Variants in PEAK1 observed in about 807,000 individuals in gnomAD.
PEAK1 encodes pseudopodium enriched atypical kinase 1.
PEAK1 carries 54 observed loss-of-function variants against 124.7 expected under a neutral mutation model. The observed-to-expected ratio is 0.43, with a 90% CI of 0.35 to 0.54. The LOEUF (loss-of-function observed/expected upper bound fraction) is 0.54, where lower values mean the gene tolerates loss of function less well. Among genes scored for constraint, PEAK1 ranks in the 20% least tolerant of loss-of-function variants. PEAK1 has a pLI of 0.01. For missense variants in PEAK1, 2,046 were observed against 2,134.5 expected (o/e 0.96, Z 0.82); for synonymous variants, 719 against 760.0 (o/e 0.95, Z 0.89).
At position 77,114,351 on chromosome 15, in the gene PEAK1, A is replaced by C; in HGVS notation, c.5046T>G (p.Pro1682=). ...EDLFQTFTAC[P]SLVQRNTLLQ... is the part of the protein sequence containing the mutation. The stretch of plus-strand genomic sequence containing the variant: ...GCAGGGTGTTCCTCTGTACTAGGCT[A>C]GGGCAGGCGGTGAAAGTCTGGAAGA... The change falls in exon 10 of 10, where the codon CCT becomes CCG. Residue 1682 remains proline, a synonymous_variant. Transcript: ENST00000682557. 1 of 1,614,212 alleles carries C rather than the reference A, an allele frequency of 6.2e-7. No homozygotes were observed. The highest frequency in any genetic ancestry group is 1.1e-5 in the South Asian group (1 of 91,082).
rs539223254 is a variant in PEAK1 at position 77,296,336 on chromosome 15, G to A, written c.-602-9832C>T. On this transcript the variant is annotated intron_variant, in intron 2 of 9. Transcript: ENST00000682557. ...AATAAAAATAAATAAATGGGACCAG[G>A]CGAGGTGGCTCACGCCGGTAATCCC... Among the ~76,000 whole-genome samples, 125 of 150,400 alleles carry A rather than the reference G, an allele frequency of 8.3e-4. 1 individual carries two copies. Among genetic ancestry groups the A allele is most frequent in the African/African-American group, 3.0e-3 (118 of 39,774 alleles).
intron 2 of PEAK1, among the ~76,000 whole-genome samples, chr15:77,296,349 C>T (rs1013786701): frequency 5.3e-5 from 8 of 150,488 alleles, no homozygotes; most frequent in East Asian, 1.9e-4. Flanking sequence ...AGGTGGCTCA[C>T]GCCGGTAATC....
chr15:77,248,584 C>T (rs1018785833), intron 6 of PEAK1, among the ~76,000 whole-genome samples: 5 of 152,134 alleles, frequency 3.3e-5, no homozygotes, highest in African/African-American at 9.7e-5. Flanking sequence ...CATGTGAGGA[C>T]ACAGTGAAAA....
At chr15:77,360,394 C>T (rs1338996213) in intron 2 of PEAK1, among the ~76,000 whole-genome samples, 1 of 152,096 alleles carries the variant, frequency 6.6e-6, no homozygotes, top group Non-Finnish European at 1.5e-5. Context: ...TACTTTTGTG[C>T]TTCAAAGGAC....
chr15:77,292,797 G>A lies in PEAK1; in HGVS notation c.-602-6293C>T, dbSNP rs550917646. ...GATTAACTTATGTATGTATATGAAC[G>A]TATATGAATACTTACATATATATAG... On this transcript the variant is annotated intron_variant, in intron 2 of 9. Transcript: ENST00000682557. Among the ~76,000 whole-genome samples the A allele has an allele frequency of 2.4e-3, 362 of 152,230 alleles. 4 individuals are homozygous for A. The highest frequency in any genetic ancestry group is 7.9e-3 in the African/African-American group (327 of 41,554).
intron 6 of PEAK1, among the ~76,000 whole-genome samples, chr15:77,222,505 A>G (rs2059434538): frequency 6.6e-6 from 1 of 152,080 alleles, no homozygotes; most frequent in Non-Finnish European, 1.5e-5. Context: ...TTGATTTTAT[A>G]GACTAAGGAA....
rs921308460 is a variant in PEAK1 at position 77,333,441 on chromosome 15, T to G, written c.-603+31722A>C. ...TTTTTTCTTCTTTTTGCTTGTATAT[T>G]TCTTTTCTCTAACAACTATATAAGC... On this transcript the variant is annotated intron_variant, in intron 2 of 9. Coordinates refer to ENST00000682557, the MANE Select transcript of PEAK1 (RefSeq NM_001385026.1). 4.6e-5 allele frequency: 44 copies of G among 955,998 alleles called. 1 individual carries two copies. Among genetic ancestry groups the G allele is most frequent in the Non-Finnish European group, 3.7e-6 (3 of 803,188 alleles). The allele number at this position is 955,998 out of a possible 1,614,324, so 59.2% of individuals were successfully genotyped here. A position where few individuals can be genotyped will look rare whatever the true frequency, so the allele number is the denominator to read the frequency against.
In PEAK1 at chr15:77,179,492, C is replaced by T. The variant is rs1285075692; in HGVS notation, c.2435G>A (p.Ser812Asn). 3.7e-6 allele frequency: 6 copies of T among 1,614,016 alleles called. No individual in the cohort carries two copies. Among genetic ancestry groups the T allele is most frequent in the African/African-American group, 1.3e-5 (1 of 75,012 alleles). ...DADVAKSTPK[S>N]TPVRPKSLFT... Reference sequence around the variant, plus strand: ...GAGAGATTTGGGCCGGACTGGCGTACTCTTAGGTGTGCTCTTAGCAACATC... The same window carrying T: ...GAGAGATTTGGGCCGGACTGGCGTATTCTTAGGTGTGCTCTTAGCAACATC... Residue 812 changes from serine to asparagine, a missense_variant, in exon 7 of 10, where the codon AGT (serine) becomes AAT (asparagine). Coordinates refer to ENST00000682557, the MANE Select transcript of PEAK1 (RefSeq NM_001385026.1).
rs567248421 is a variant in PEAK1, at chr15:77,359,090, T to C, written c.-603+6073A>G. On this transcript the variant is annotated intron_variant, in intron 2 of 9. Coordinates refer to ENST00000682557, the MANE Select transcript of PEAK1 (RefSeq NM_001385026.1). ...ATAATGGGCAGTTATGAAATACCCA[T>C]AGTTAACATCTTACTTGATCCTGAA... Among the ~76,000 whole-genome samples the C allele has an allele frequency of 4.6e-5, 7 of 152,266 alleles. No homozygotes were observed. In the East Asian group the frequency reaches 1.3e-3, roughly 29 times the overall value.
chr15:77,403,166 C>T, intron 1 of PEAK1: 1 of 985,318 alleles, frequency 1.0e-6, no homozygotes, highest in Non-Finnish European at 1.2e-6. Flanking sequence ...GCTACTTTGC[C>T]TGTATCATCT....
intron 1 of PEAK1, chr15:77,381,145 T>A: frequency 1.2e-6 from 1 of 862,756 alleles, no homozygotes; most frequent in Non-Finnish European, 1.4e-6. Context: ...TGGAGTAACA[T>A]GCTAAAAATC....
At position 77,108,308 on chromosome 15, in the gene PEAK1, G is replaced by A. The variant is rs1206268957; in HGVS notation, c.*5848C>T. The stretch of plus-strand genomic sequence containing the variant: ...ATTTATACAACTTTACAATATGTAA[G>A]TAGAGGGGTGAAGCTCCGGAAAGAG... On this transcript the variant is annotated 3_prime_UTR_variant, in exon 10 of 10. Transcript: ENST00000682557. The A allele has an allele frequency of 6.6e-6, 1 of 152,242 alleles. No homozygotes were observed. Among genetic ancestry groups the A allele is most frequent in the African/African-American group, 2.4e-5 (1 of 41,462 alleles). 9.4% of individuals were successfully genotyped at this position (152,242 alleles called of 1,614,324 possible). A position where few individuals can be genotyped will look rare whatever the true frequency, so the allele number is the denominator to read the frequency against.
At chr15:77,356,990 G>A (rs781461451) in intron 2 of PEAK1, among the ~76,000 whole-genome samples, 4 of 152,190 alleles carry the variant, frequency 2.6e-5, no homozygotes, top group Non-Finnish European at 4.4e-5. Flanking sequence ...AAGTAGGCTA[G>A]GTCCAGTGGC....
intron 7 of PEAK1, among the ~76,000 whole-genome samples, chr15:77,161,349 G>A (rs1344770894): frequency 6.6e-6 from 1 of 152,150 alleles, no homozygotes; most frequent in East Asian, 1.9e-4. Context: ...TACCTTTGGG[G>A]AACCAAGCAA....
intron 8 of PEAK1, among the ~76,000 whole-genome samples, chr15:77,135,886 T>C (rs2053279796): frequency 1.3e-5 from 2 of 152,210 alleles, no homozygotes; most frequent in Non-Finnish European, 2.9e-5. Flanking sequence ...GTCTCGTGTA[T>C]GTCTTTATCA....
chr15:77,418,304 A>G (rs2073055319), intron 1 of PEAK1: 3 of 985,336 alleles, frequency 3.0e-6, no homozygotes, highest in Non-Finnish European at 3.6e-6. Flanking sequence ...GAGGGAAAAG[A>G]AGGAACATAC....
chr15:77,172,585 G>C (rs1300548889), intron 7 of PEAK1, among the ~76,000 whole-genome samples: 1 of 152,170 alleles, frequency 6.6e-6, no homozygotes, highest in East Asian at 1.9e-4. Context: ...GGTGGTTCAT[G>C]AAAGAGGGGG....
intron 6 of PEAK1, among the ~76,000 whole-genome samples, chr15:77,231,731 G>A (rs2059917950): frequency 6.6e-6 from 1 of 152,104 alleles, no homozygotes; most frequent in Non-Finnish European, 1.5e-5. Flanking sequence ...ATATGAAATT[G>A]TAACATATGG....
intron 1 of PEAK1, among the ~76,000 whole-genome samples, chr15:77,369,220 G>A (rs1028528693): frequency 2.6e-5 from 4 of 152,186 alleles, no homozygotes; most frequent in Admixed American, 1.3e-4. Context: ...GGTACAGATA[G>A]TAAAGATGGA....
Sources: allele counts gnomAD v4.1 joint callset (sites outside exome capture counted in the v4.1 genomes callset), GRCh38; gene constraint gnomAD v4.1.1; transcripts MANE v1.5; gene names NCBI Gene and HGNC (gene_info 2026-07-23, HGNC 2026-07-21).